Variants in CRISPLD2 observed in about 807,000 individuals in gnomAD.
The protein encoded by CRISPLD2 is cysteine-rich secretory protein LCCL domain-containing 2.
A neutral mutation model predicts 71.1 loss-of-function variants in CRISPLD2; 47 were observed. The observed-to-expected ratio is 0.66, with a 90% CI of 0.52 to 0.84. The LOEUF (loss-of-function observed/expected upper bound fraction) is 0.84, where lower values mean the gene tolerates loss of function less well. Ranked by LOEUF, CRISPLD2 falls within the 40% of genes least tolerant of loss-of-function variation. The pLI is 0.00. For missense variants in CRISPLD2, 830 were observed against 651.1 expected, an observed-to-expected ratio of 1.27 and a Z score of -2.99; for synonymous variants, 317 against 250.1, an observed-to-expected ratio of 1.27 and a Z score of -2.52.
intron 11 of CRISPLD2, among the ~76,000 whole-genome samples, chr16:84,874,759 G>C (rs1001285600): frequency 6.6e-6 from 1 of 152,112 alleles, no homozygotes; most frequent in African/African-American, 2.4e-5. Context: ...ACACGGAGTG[G>C]AACATTTTTT....
chr16:84,844,711 C>G (rs925455754), intron 2 of CRISPLD2, among the ~76,000 whole-genome samples: 5 of 152,200 alleles, frequency 3.3e-5, no homozygotes, highest in Non-Finnish European at 5.9e-5. Context: ...ATCCATTCAT[C>G]TCGGGGCCCT....
At chr16:84,851,792 A>T (rs1295909307) in intron 5 of CRISPLD2, among the ~76,000 whole-genome samples, 1 of 152,160 alleles carries the variant, frequency 6.6e-6, no homozygotes, top group Non-Finnish European at 1.5e-5. Flanking sequence ...TAGACACTAG[A>T]AGGTCCTATC....
intron 3 of CRISPLD2, 147 bp downstream of exon 3, chr16:84,846,051 G>A (rs1344202840): frequency 3.4e-6 from 2 of 583,254 alleles, no homozygotes; most frequent in African/African-American, 1.9e-5. Context: ...CTGAGGCTTG[G>A]CATCCAGGAA....
In CRISPLD2 at chr16:84,838,608, A is replaced by G. The variant is rs1036189956; in HGVS notation, c.113A>G (p.Tyr38Cys). The change falls in exon 2 of 15, where the codon TAC (tyrosine) becomes TGC (cysteine). Residue 38 changes from tyrosine to cysteine, a missense_variant. By Grantham distance (194) the Tyr-to-Cys change is radical. Transcript: ENST00000262424. The stretch of plus-strand genomic sequence containing the variant: ...CTCTTAGAGGAGCTGCTCAGCAAAT[A>G]CCAGCACAACGAGTCTCACTCCCGG... ...VTLLEELLSK[Y>C]QHNESHSRVR... 3 of 1,614,092 alleles carry G rather than the reference A, an allele frequency of 1.9e-6. No homozygotes were observed. In the Admixed American group the frequency reaches 5.0e-5, roughly 27 times the overall value.
chr16:84,887,928 G>A (rs1023630591), intron 13 of CRISPLD2, among the ~76,000 whole-genome samples: 11 of 152,304 alleles, frequency 7.2e-5, no homozygotes, highest in African/African-American at 2.6e-4. Flanking sequence ...AGACTTAAGG[G>A]ACTTAATAAA....
At chr16:84,874,190 T>C (rs918653585) in intron 11 of CRISPLD2, among the ~76,000 whole-genome samples, 1 of 152,154 alleles carries the variant, frequency 6.6e-6, no homozygotes, top group African/African-American at 2.4e-5. Flanking sequence ...AGGGCTGAGG[T>C]TGCCAGCTGA....
At chr16:84,822,634 C>T (rs1286841609) in intron 1 of CRISPLD2, among the ~76,000 whole-genome samples, 2 of 152,272 alleles carry the variant, frequency 1.3e-5, no homozygotes, top group East Asian at 3.9e-4. Context: ...AACGGGCTGA[C>T]GGCTTGTCAG....
At chr16:84,887,952 T>G (rs2071627623) in intron 13 of CRISPLD2, among the ~76,000 whole-genome samples, 1 of 152,190 alleles carries the variant, frequency 6.6e-6, no homozygotes, top group South Asian at 2.1e-4. Context: ...GATCGCTAGA[T>G]CCACCCACAG....
At chr16:84,871,387 A>G (rs2071467869) in intron 8 of CRISPLD2, among the ~76,000 whole-genome samples, 1 of 152,040 alleles carries the variant, frequency 6.6e-6, no homozygotes, top group Non-Finnish European at 1.5e-5. Context: ...AAAACCCCCA[A>G]AATTAGTTGG....
intron 14 of CRISPLD2, among the ~76,000 whole-genome samples, chr16:84,890,984 C>G (rs951309500): frequency 1.3e-5 from 2 of 152,144 alleles, no homozygotes; most frequent in African/African-American, 2.4e-5. Flanking sequence ...CCAGGCTGGT[C>G]TCCAACTCCT....
At chr16:84,839,406 C>G (rs16974704) in intron 2 of CRISPLD2, 6 of 178,376 alleles carry the variant, frequency 3.4e-5, no homozygotes. Context: ...TTCTCCTTAG[C>G]CCGTGTGAGC....
chr16:84,828,850 T>C (rs571548000), intron 1 of CRISPLD2, among the ~76,000 whole-genome samples: 8 of 152,266 alleles, frequency 5.3e-5, no homozygotes, highest in Admixed American at 3.9e-4. Flanking sequence ...ATGAAAAGCA[T>C]TGTATAGATT....
intron 5 of CRISPLD2, among the ~76,000 whole-genome samples, chr16:84,851,067 G>T (rs1917076433): frequency 6.6e-6 from 1 of 152,224 alleles, no homozygotes. Context: ...GCCCCAACTG[G>T]CTTTGCAAGA....
chr16:84,875,789 C>T (rs1185796988), intron 11 of CRISPLD2, among the ~76,000 whole-genome samples: 5 of 149,554 alleles, frequency 3.3e-5, no homozygotes, highest in African/African-American at 1.2e-4. Flanking sequence ...TGGTCTTGAA[C>T]TCCTGACCTC....
At chr16:84,830,268 G>C (rs1483830175) in intron 1 of CRISPLD2, among the ~76,000 whole-genome samples, 1 of 152,204 alleles carries the variant, frequency 6.6e-6, no homozygotes, top group Admixed American at 6.5e-5. Context: ...GCTGCAGTGA[G>C]ACATGATTGC....
At chr16:84,888,341 G>A (rs563265575) in intron 13 of CRISPLD2, among the ~76,000 whole-genome samples, 3 of 152,294 alleles carry the variant, frequency 2.0e-5, no homozygotes, top group South Asian at 2.1e-4. Context: ...CAGGACCAGC[G>A]TGAGCAACAC....
chr16:84,846,795 T>G (rs1252579407), intron 3 of CRISPLD2, among the ~76,000 whole-genome samples: 1 of 152,112 alleles, frequency 6.6e-6, no homozygotes, highest in Non-Finnish European at 1.5e-5. Flanking sequence ...TTCTGTCCCC[T>G]CTCCTTCCCT....
At chr16:84,863,856 C>G (rs1917458699) in intron 6 of CRISPLD2, among the ~76,000 whole-genome samples, 2 of 150,616 alleles carry the variant, frequency 1.3e-5, no homozygotes, top group Admixed American at 6.6e-5. Context: ...TAATCCCAGG[C>G]TGAGGTAGGA....
intron 7 of CRISPLD2, among the ~76,000 whole-genome samples, chr16:84,867,645 C>A (rs557309093): frequency 2.0e-5 from 3 of 152,324 alleles, no homozygotes; most frequent in South Asian, 4.1e-4. Context: ...CGGCTCACTG[C>A]AACCTTTGCC....
Sources: allele counts gnomAD v4.1 joint callset (sites outside exome capture counted in the v4.1 genomes callset), GRCh38; gene constraint gnomAD v4.1.1; transcripts MANE v1.5; gene names NCBI Gene and HGNC (gene_info 2026-07-23, HGNC 2026-07-21).